Variants in PKIB observed in about 807,000 individuals in gnomAD.
PKIB encodes cAMP-dependent protein kinase inhibitor beta, also known as PKI-beta.
Under a neutral mutation model 4.5 loss-of-function variants are expected in PKIB, and 2 were observed. That is an observed-to-expected ratio of 0.44 (90% confidence interval 0.18 to 1.39). The LOEUF (loss-of-function observed/expected upper bound fraction) is 1.39, where lower values mean the gene tolerates loss of function less well. Among genes scored for constraint, PKIB ranks in the 40% most tolerant of loss-of-function variants. The pLI is 0.27. For missense variants in PKIB, 94 were observed against 92.6 expected (o/e 1.02, Z -0.06); for synonymous variants, 38 against 36.0 (o/e 1.06, Z -0.20).
intron 2 of PKIB, among the ~76,000 whole-genome samples, chr6:122,553,598 C>T (rs1441202821): frequency 1.3e-5 from 2 of 150,386 alleles, no homozygotes; most frequent in Admixed American, 6.7e-5. Flanking sequence ...GGTCTGTCTC[C>T]CTGAGTTTAC....
chr6:122,473,026 G>C (rs980686061), intron 1 of PKIB, among the ~76,000 whole-genome samples: 11 of 152,128 alleles, frequency 7.2e-5, no homozygotes, highest in African/African-American at 2.7e-4. Flanking sequence ...CAGGAGAACT[G>C]CTTGAACCCG....
intron 1 of PKIB, among the ~76,000 whole-genome samples, chr6:122,631,639 A>T (rs1372757863): frequency 6.6e-6 from 1 of 152,182 alleles, no homozygotes; most frequent in Admixed American, 6.5e-5. Flanking sequence ...GGCAGGATTA[A>T]TATTATTATG....
intron 2 of PKIB, among the ~76,000 whole-genome samples, chr6:122,486,077 CCCT>C (rs1775758987): frequency 6.6e-6 from 1 of 152,146 alleles, no homozygotes; most frequent in Non-Finnish European, 1.5e-5. Context: ...CACATTACCC[CCCT>C]GACTCTAAAA....
At chr6:122,526,845 C>T (rs1777104377) in intron 2 of PKIB, among the ~76,000 whole-genome samples, 1 of 152,070 alleles carries the variant, frequency 6.6e-6, no homozygotes, top group South Asian at 2.1e-4. Context: ...GAGAGTCATC[C>T]TCATTGTAAG....
At chr6:122,536,209 A>C (rs1777402417) in intron 2 of PKIB, among the ~76,000 whole-genome samples, 1 of 152,168 alleles carries the variant, frequency 6.6e-6, no homozygotes, top group Non-Finnish European at 1.5e-5. Flanking sequence ...CAAAGTGTTA[A>C]GATTACAGGC....
intron 2 of PKIB, among the ~76,000 whole-genome samples, chr6:122,524,356 T>C (rs116278568): frequency 0.14 from 20,239 of 149,468 alleles, 1,475 homozygotes; most frequent in African/African-American, 0.17. Context: ...CTCCTCCTCC[T>C]CCTCCTCTTT....
intron 2 of PKIB, among the ~76,000 whole-genome samples, chr6:122,530,147 T>C (rs1777214929): frequency 6.6e-6 from 1 of 152,126 alleles, no homozygotes; most frequent in African/African-American, 2.4e-5. Flanking sequence ...TCTGATTCAA[T>C]CATCTCAACT....
chr6:122,701,403 G>A, intron 3 of PKIB: 1 of 1,517,026 alleles, frequency 6.6e-7, no homozygotes, highest in African/African-American at 1.4e-5. Context: ...ATGAAGTACT[G>A]ACTGGTTAAG....
At chr6:122,621,579 C>G (rs1775230369) in intron 1 of PKIB, among the ~76,000 whole-genome samples, 1 of 152,208 alleles carries the variant, frequency 6.6e-6, no homozygotes, top group African/African-American at 2.4e-5. Flanking sequence ...CACTAGTTTG[C>G]CACATAAAGG....
intron 3 of PKIB, among the ~76,000 whole-genome samples, chr6:122,711,703 T>C (rs1779279198): frequency 6.6e-6 from 1 of 152,164 alleles, no homozygotes; most frequent in Non-Finnish European, 1.5e-5. Flanking sequence ...TATATTAGTA[T>C]TGTAAGTGGC....
intron 1 of PKIB, among the ~76,000 whole-genome samples, chr6:122,476,955 A>G (rs553087485): frequency 5.3e-5 from 8 of 152,320 alleles, no homozygotes; most frequent in African/African-American, 1.9e-4. Context: ...TATTAAGGCA[A>G]CGTCTAAATC....
chr6:122,699,150 G>A (rs1778694085), intron 3 of PKIB, among the ~76,000 whole-genome samples: 1 of 151,872 alleles, frequency 6.6e-6, no homozygotes, highest in African/African-American at 2.4e-5. Flanking sequence ...TGAGTAGCCT[G>A]GTAAAAATAT....
At chr6:122,554,850 C>T (rs1772790760) in intron 2 of PKIB, among the ~76,000 whole-genome samples, 1 of 152,058 alleles carries the variant, frequency 6.6e-6, no homozygotes, top group African/African-American at 2.4e-5. Flanking sequence ...TTCAAAAGAA[C>T]ACTCTATTAG....
chr6:122,534,444 T>C (rs1490048262), intron 2 of PKIB, among the ~76,000 whole-genome samples: 1 of 151,930 alleles, frequency 6.6e-6, no homozygotes, highest in Non-Finnish European at 1.5e-5. Flanking sequence ...GCCAAGAGAT[T>C]TCAAGTTCTG....
intron 2 of PKIB, among the ~76,000 whole-genome samples, chr6:122,649,180 C>T (rs1776446272): frequency 6.6e-6 from 1 of 152,150 alleles, no homozygotes; most frequent in South Asian, 2.1e-4. Flanking sequence ...ACCAATTTTT[C>T]AGTCATGTTC....
At chr6:122,652,498 T>C (rs758298548) in intron 2 of PKIB, among the ~76,000 whole-genome samples, 8 of 152,136 alleles carry the variant, frequency 5.3e-5, no homozygotes, top group Non-Finnish European at 8.8e-5. Context: ...CTTTTGATGA[T>C]TGAGTCAAAC....
intron 2 of PKIB, among the ~76,000 whole-genome samples, chr6:122,641,359 A>G (rs1347224209): frequency 6.6e-6 from 1 of 152,164 alleles, no homozygotes; most frequent in Non-Finnish European, 1.5e-5. Context: ...AATTGGGCCC[A>G]TGGATAGCAG....
intron 3 of PKIB, among the ~76,000 whole-genome samples, chr6:122,715,982 A>G (rs1374684969): frequency 3.3e-5 from 5 of 152,126 alleles, no homozygotes; most frequent in Admixed American, 6.6e-5. Context: ...TCAGTACCTC[A>G]TGGGATTATT....
intron 2 of PKIB, among the ~76,000 whole-genome samples, chr6:122,490,886 T>C (rs1381626346): frequency 6.6e-6 from 1 of 152,140 alleles, no homozygotes; most frequent in Non-Finnish European, 1.5e-5. Context: ...GCTCTAGAAC[T>C]AGAATGACCC....
Sources: gnomAD v4.1 joint callset for allele counts (sites outside exome capture counted in the v4.1 genomes callset) on GRCh38, gnomAD v4.1.1 for gene constraint, MANE v1.5 for transcripts, NCBI Gene and HGNC (gene_info 2026-07-23, HGNC 2026-07-21) for gene names.